Variants in COL1A2 observed in about 807,000 individuals in gnomAD.
The protein encoded by COL1A2 is collagen alpha-2(I) chain.
In COL1A2, 49 loss-of-function variants were observed where a neutral mutation model predicts 174.3. That is an observed-to-expected ratio of 0.28 (90% CI 0.22 to 0.36). COL1A2 has a LOEUF of 0.36. Ranked by LOEUF, COL1A2 falls within the 10% of genes least tolerant of loss-of-function variation. The probability of loss-of-function intolerance (pLI) is 1.00; values close to 1 mark genes in which losing one functional copy is unlikely to be tolerated. For synonymous variants in COL1A2, 655 were observed against 606.6 expected (o/e 1.08, Z -1.17); for missense variants, 1,438 against 1,822.7 (o/e 0.79, Z 3.84).
At position 94,409,405 on chromosome 7, in the gene COL1A2, C is replaced by T. The variant is rs1791870808; in HGVS notation, c.876C>T (p.Gly292=). The T allele has an allele frequency of 6.2e-7, 1 of 1,614,156 alleles. No individual in the cohort carries two copies. The highest frequency in any genetic ancestry group is 8.5e-7 in the Non-Finnish European group (1 of 1,180,014). Residue 292 remains glycine (G), a synonymous_variant, in exon 17 of 52, where the codon GGC becomes GGT. Coordinates refer to ENST00000297268, the MANE Select transcript of COL1A2 (RefSeq NM_000089.4). ...AAGTGGGTCTTCCAGGCCTCTCCGG[C>T]CCCGTTGGACCTCCTGTAAGTAGCC... ...RGEVGLPGLS[G]PVGPPGNPGA...
At chr7:94,402,493 G>A (rs10255021) in intron 6 of COL1A2, among the ~76,000 whole-genome samples, 18,917 of 151,836 alleles carry the variant, frequency 0.12, 2,919 homozygotes, top group East Asian at 0.35. Context: ...GTGGAGCACC[G>A]CTTAGAAACA....
intron 49 of COL1A2, 26 bp from the exon 50 acceptor site, chr7:94,428,267 T>C: frequency 6.4e-7 from 1 of 1,568,210 alleles, no homozygotes; most frequent in Non-Finnish European, 8.8e-7. Flanking sequence ...AGAAGTTTCA[T>C]GATCTGAATG....
At chr7:94,405,162 CAAG>C (rs753781949) in intron 9 of COL1A2, 34 bp from the exon 10 acceptor site, 2 of 1,609,776 alleles carry the variant, frequency 1.2e-6, no homozygotes, top group Non-Finnish European at 1.7e-6. Flanking sequence ...GATAGTTTAC[CAAG>C]AAGAAGTTGA....
At chr7:94,424,179 C>T in intron 40 of COL1A2, 157 bp from the exon 41 acceptor site, 1 of 653,006 alleles carries the variant, frequency 1.5e-6, no homozygotes, top group Non-Finnish European at 2.8e-6. Flanking sequence ...AACTCACCGT[C>T]ATCACTAGAG....
At chr7:94,427,112 G>A (rs376943537) in intron 47 of COL1A2, 51 bp downstream of exon 47, 12 of 1,609,858 alleles carry the variant, frequency 7.5e-6, no homozygotes, top group African/African-American at 2.7e-5. Context: ...AGGCTAAAGC[G>A]AGCAGTGAGC....
intron 2 of COL1A2, 121 bp downstream of exon 2, chr7:94,397,879 T>C (rs1433237904): frequency 3.1e-6 from 2 of 636,934 alleles, no homozygotes; most frequent in African/African-American, 1.9e-5. Flanking sequence ...CCAAGAAAAT[T>C]GTGAAGAATT....
At chr7:94,426,730 T>C in intron 46 of COL1A2, 200 bp downstream of exon 46, 1 of 646,944 alleles carries the variant, frequency 1.5e-6, no homozygotes, top group South Asian at 1.9e-5. Flanking sequence ...GAGATAGAAA[T>C]AGACATACAA....
Position 94,408,102 on chromosome 7 carries a change from G to T in COL1A2, c.640-81G>T, listed in dbSNP as rs1584317990. 4 of 1,466,218 alleles carry T rather than the reference G, an allele frequency of 2.7e-6. No individual in the cohort carries two copies. The East Asian group carries it at 9.3e-5, about 34-fold the overall frequency. 90.8% of individuals were successfully genotyped at this position (1,466,218 alleles called of 1,614,324 possible). A position where few individuals can be genotyped will look rare whatever the true frequency, so the allele number is the denominator to read the frequency against. Reference sequence around the variant, plus strand: ...TTTTAGTGTATTCTTGTACAGGTTGGAAACTGAACAAAGCAAATGATGCCT... The same window carrying T: ...TTTTAGTGTATTCTTGTACAGGTTGTAAACTGAACAAAGCAAATGATGCCT... On this transcript the variant is annotated intron_variant, in intron 13 of 51. Transcript: ENST00000297268.
Position 94,421,026 on chromosome 7 carries a change from C to A in COL1A2, c.2313C>A (p.Pro771=). 6.2e-7 allele frequency: 1 copy of A among 1,614,064 alleles called. No homozygotes were observed. Among genetic ancestry groups the A allele is most frequent in the Non-Finnish European group, 8.5e-7 (1 of 1,179,998 alleles). ...AAGPAGPNGP[P]GPAGSRGDGG... ...GCATTTAGGGTCCAAATGGTCCCCC[C>A]GGTCCTGCTGGAAGTCGTGGTGATG... is the stretch of plus-strand genomic sequence containing the variant. Residue 771 remains proline (P), a synonymous_variant, in exon 38 of 52, where the codon CCC becomes CCA. Transcript: ENST00000297268.
Position 94,425,175 on chromosome 7 carries a change from C to G in COL1A2, c.2732C>G (p.Ala911Gly), listed in dbSNP as rs374901613. The change falls in exon 42 of 52, where the codon GCT becomes GGT. Residue 911 changes from alanine (A) to glycine (G), a missense_variant. This residue lies in a region of COL1A2 where 867 missense variants were observed against 1,213.7 expected (regional missense o/e 0.71). Coordinates refer to ENST00000297268, the MANE Select transcript of COL1A2 (RefSeq NM_000089.4). ...GPPGARGPPG[A>G]VGSPGVNGAP... is the part of the protein sequence containing the mutation. ...CCTGGGGCCCGTGGTCCTCCTGGTGCTGTGGGTAGTCCTGGAGTCAACGGT... is the reference window on the plus strand; with the variant it reads ...CCTGGGGCCCGTGGTCCTCCTGGTGGTGTGGGTAGTCCTGGAGTCAACGGT... 3.1e-6 allele frequency: 5 copies of G among 1,614,116 alleles called. No homozygotes were observed. Among genetic ancestry groups the G allele is most frequent in the South Asian group, 1.1e-5 (1 of 91,076 alleles).
At chr7:94,408,514 C>T in intron 15 of COL1A2, 134 bp downstream of exon 15, 2 of 1,190,774 alleles carry the variant, frequency 1.7e-6, no homozygotes, top group South Asian at 1.3e-5. Context: ...TTGAAGGCTC[C>T]ATTTATAAGT....
At chr7:94,413,563 C>A (rs1791976714) in intron 26 of COL1A2, 127 bp from the exon 27 acceptor site, 2 of 932,020 alleles carry the variant, frequency 2.1e-6, no homozygotes, top group Non-Finnish European at 1.7e-6. Flanking sequence ...TTCGTGGGAA[C>A]CCACAATGAG....
chr7:94,425,925 T>A, intron 44 of COL1A2, 68 bp downstream of exon 44: 1 of 1,591,272 alleles, frequency 6.3e-7, no homozygotes, highest in Non-Finnish European at 8.6e-7. Context: ...TTCCCCACAC[T>A]TGGGGATGGT....
chr7:94,424,145 C>G (rs1481290479), intron 40 of COL1A2, 191 bp from the exon 41 acceptor site: 2 of 574,340 alleles, frequency 3.5e-6, no homozygotes, highest in Non-Finnish European at 6.3e-6. Flanking sequence ...GAATCAGATA[C>G]AAAAGTATTC....
At chr7:94,417,149 G>GA (rs1792059217) in intron 31 of COL1A2, among the ~76,000 whole-genome samples, 1 of 152,124 alleles carries the variant, frequency 6.6e-6, no homozygotes. Flanking sequence ...ATGTTCTTGG[G>GA]AAAAAAATAA....
At chr7:94,414,363 T>C (rs1791994918) in intron 29 of COL1A2, 88 bp downstream of exon 29, 2 of 1,214,844 alleles carry the variant, frequency 1.6e-6, no homozygotes, top group African/African-American at 1.5e-5. Context: ...AATTATAATA[T>C]GTAAAAGAAA....
intron 5 of COL1A2, among the ~76,000 whole-genome samples, 175 bp from the exon 6 acceptor site, chr7:94,401,392 T>A (rs1791684542): frequency 6.6e-6 from 1 of 152,104 alleles, no homozygotes; most frequent in South Asian, 2.1e-4. Context: ...CTCTCATAAC[T>A]TTTTAGGAAT....
chr7:94,397,845 A>G, intron 2 of COL1A2, 87 bp downstream of exon 2: 1 of 774,926 alleles, frequency 1.3e-6, no homozygotes, highest in Non-Finnish European at 2.2e-6. Context: ...AAGAAGTTAC[A>G]TTAATATTGA....
At chr7:94,425,943 T>A (rs1468353178) in intron 44 of COL1A2, 55 bp from the exon 45 acceptor site, 1 of 1,604,494 alleles carries the variant, frequency 6.2e-7, no homozygotes, top group Non-Finnish European at 8.5e-7. Flanking sequence ...GGTGGAGGAG[T>A]GGGGAGGGGT....
Sources: gnomAD v4.1 joint callset for allele counts (sites outside exome capture counted in the v4.1 genomes callset) on GRCh38, gnomAD v4.1.1 for gene constraint, gnomAD v4.1.1 regional missense constraint, MANE v1.5 for transcripts, NCBI Gene and HGNC (gene_info 2026-07-23, HGNC 2026-07-21) for gene names.